MSTO1: variants seen among roughly 807,000 people sequenced by gnomAD.
MSTO1 encodes protein misato homolog 1.
Under a neutral mutation model 55.7 loss-of-function variants are expected in MSTO1, and 24 were observed. The ratio of observed to expected loss-of-function variants is 0.43; its 90% CI spans 0.31 to 0.61. The LOEUF is 0.61. Among genes scored for constraint, MSTO1 ranks in the 20% least tolerant of loss-of-function variants. The pLI, the probability that MSTO1 is intolerant of heterozygous loss-of-function variation, is 0.09. For synonymous variants in MSTO1, 162 were observed against 252.8 expected (o/e 0.64, Z 3.41); for missense variants, 363 against 625.7 (o/e 0.58, Z 4.48).
chr1:155,606,197 CCTTTTTTTTT>C (rs1558242403), upstream of MSTO1, among the ~76,000 whole-genome samples: 6 of 53,294 alleles, frequency 1.1e-4, no homozygotes, highest in African/African-American at 4.2e-4. Flanking sequence ...CCATGCCCAG[CCTTTTTTTTT>C]TTTTTTTTTT....
chr1:155,579,305 C>T, the MSTO1 span, among the ~76,000 whole-genome samples: 1 of 150,714 alleles, frequency 6.6e-6, no homozygotes, highest in African/African-American at 2.4e-5. Flanking sequence ...AAGAGTGAAA[C>T]TCCATCTCAA....
chr1:155,608,886 G>A (rs1341185267), upstream of MSTO1, among the ~76,000 whole-genome samples: 11 of 150,868 alleles, frequency 7.3e-5, no homozygotes, highest in Admixed American at 4.6e-4. Context: ...GTGCAGTGGC[G>A]TGATATCGGC....
chr1:155,587,439 CAAAAAA>C, the MSTO1 span, among the ~76,000 whole-genome samples: 1 of 52,676 alleles, frequency 1.9e-5, no homozygotes, highest in Non-Finnish European at 3.5e-5. Flanking sequence ...GACTACGTCT[CAAAAAA>C]AAAAAAAAAA....
the MSTO1 span, among the ~76,000 whole-genome samples, chr1:155,590,272 G>C: frequency 6.6e-6 from 1 of 152,030 alleles, no homozygotes; most frequent in Non-Finnish European, 1.5e-5. Context: ...AACTCTTGGG[G>C]ACAGTCTGTC....
chr1:155,570,648 A>C, the MSTO1 span, among the ~76,000 whole-genome samples: 1 of 152,206 alleles, frequency 6.6e-6, no homozygotes, highest in African/African-American at 2.4e-5. Context: ...CCATGTTCAC[A>C]TAACTTTTGT....
At chr1:155,566,881 C>T in the MSTO1 span, among the ~76,000 whole-genome samples, 1 of 152,054 alleles carries the variant, frequency 6.6e-6, no homozygotes, top group East Asian at 1.9e-4. Flanking sequence ...TCCCAAAGTG[C>T]TGGGATTACA....
the MSTO1 span, among the ~76,000 whole-genome samples, chr1:155,597,184 C>G: frequency 6.6e-6 from 1 of 151,988 alleles, no homozygotes; most frequent in African/African-American, 2.4e-5. Flanking sequence ...GATGAGAAGA[C>G]AAGGTTGTGC....
chr1:155,583,844 T>A, the MSTO1 span, among the ~76,000 whole-genome samples: 1 of 152,126 alleles, frequency 6.6e-6, no homozygotes, highest in African/African-American at 2.4e-5. Flanking sequence ...GTAGTGGTTG[T>A]GCCGGGGAGC....
the MSTO1 span, among the ~76,000 whole-genome samples, chr1:155,576,494 G>C: frequency 6.6e-6 from 1 of 150,948 alleles, no homozygotes; most frequent in Non-Finnish European, 1.5e-5. Flanking sequence ...GCCCATCTAA[G>C]TTTTGTATTT....
upstream of MSTO1, among the ~76,000 whole-genome samples, chr1:155,605,916 T>C (rs1672926963): frequency 6.6e-6 from 1 of 152,344 alleles, no homozygotes; most frequent in South Asian, 2.1e-4. Context: ...TCCCAACTTG[T>C]TTTTGAGGCC....
At chr1:155,575,114 G>T in the MSTO1 span, among the ~76,000 whole-genome samples, 2 of 151,338 alleles carry the variant, frequency 1.3e-5, no homozygotes, top group African/African-American at 4.9e-5. Context: ...TGATTCACTC[G>T]CCTCAGCTTC....
chr1:155,590,570 A>T, the MSTO1 span: 1 of 1,114,966 alleles, frequency 9.0e-7, no homozygotes, highest in Middle Eastern at 2.1e-4. Context: ...GGATGGCTCT[A>T]GTGCCAGCGG....
chr1:155,610,464 C>G lies in MSTO1; in HGVS notation c.124C>G (p.Pro42Ala). ...LGRATDSKEPPGELCPDVLYR... is the reference protein window; with the variant it reads ...LGRATDSKEPAGELCPDVLYR... ...CCGAGCGACCGATTCCAAGGAGCCCCCGGGAGAGCTGTGCCCCGACGTCCT... is the reference window on the plus strand; with the variant it reads ...CCGAGCGACCGATTCCAAGGAGCCCGCGGGAGAGCTGTGCCCCGACGTCCT... Residue 42 changes from proline to alanine, a missense_variant, in exon 2 of 14, where the codon CCG (proline) becomes GCG (alanine). Pro to Ala is a conservative substitution (Grantham distance 27). This residue lies in a region of MSTO1 where 94 missense variants were observed against 212.4 expected (regional missense o/e 0.44). Transcript: ENST00000245564. 2.4e-6 allele frequency: 2 copies of G among 822,248 alleles called. No individual in the cohort carries two copies. The highest frequency in any genetic ancestry group is 3.8e-6 in the Non-Finnish European group (2 of 521,956). 50.9% of individuals were successfully genotyped at this position (822,248 alleles called of 1,614,324 possible).
At chr1:155,602,215 A>C in the MSTO1 span, 5 of 629,868 alleles carry the variant, frequency 7.9e-6, no homozygotes, top group East Asian at 1.6e-4. Context: ...TTTGTGGCTC[A>C]CACCTGTAAT....
chr1:155,602,072 G>A, the MSTO1 span: 2 of 668,884 alleles, frequency 3.0e-6, no homozygotes, highest in Admixed American at 1.9e-5. Context: ...CTTTTTTTAA[G>A]CTCATCTTTG....
chr1:155,584,373 A>T, the MSTO1 span, among the ~76,000 whole-genome samples: 1 of 151,952 alleles, frequency 6.6e-6, no homozygotes, highest in African/African-American at 2.4e-5. Flanking sequence ...AAAATAAAAA[A>T]TAACAAACTT....
chr1:155,610,092 G>A, upstream of MSTO1: 4 of 724,450 alleles, frequency 5.5e-6, no homozygotes, highest in South Asian at 3.7e-5. Context: ...GGAAGAGGTA[G>A]GAAGGGATCG....
chr1:155,600,749 T>C, the MSTO1 span, among the ~76,000 whole-genome samples: 1 of 152,188 alleles, frequency 6.6e-6, no homozygotes, highest in African/African-American at 2.4e-5. Context: ...GGTTTTGCCA[T>C]GTTGGCAAGC....
At chr1:155,591,638 A>G in the MSTO1 span, among the ~76,000 whole-genome samples, 1 of 151,930 alleles carries the variant, frequency 6.6e-6, no homozygotes, top group African/African-American at 2.4e-5. Flanking sequence ...TAAAAATACA[A>G]AATTAGCCAG....
Sources: allele counts gnomAD v4.1 joint callset (sites outside exome capture counted in the v4.1 genomes callset), GRCh38; gene constraint gnomAD v4.1.1; regional missense constraint gnomAD v4.1.1; transcripts MANE v1.5; gene names NCBI Gene and HGNC (gene_info 2026-07-23, HGNC 2026-07-21).